Variants in CEMIP observed in about 807,000 individuals in gnomAD.
CEMIP encodes the protein cell migration-inducing and hyaluronan-binding protein.
In CEMIP, 105 loss-of-function variants were observed where a neutral mutation model predicts 156.9. The ratio of observed to expected loss-of-function variants is 0.67; its 90% CI spans 0.57 to 0.79. CEMIP has a LOEUF of 0.79. Ranked by LOEUF, CEMIP falls within the 30% of genes least tolerant of loss-of-function variation. The pLI, the probability that CEMIP is intolerant of heterozygous loss-of-function variation, is 0.00. For synonymous variants in CEMIP, 676 were observed against 668.4 expected (o/e 1.01, Z -0.17); for missense variants, 1,457 against 1,769.4 (o/e 0.82, Z 3.17).
At chr15:80,783,153 T>A (rs1415648121) in intron 1 of CEMIP, among the ~76,000 whole-genome samples, 1 of 152,246 alleles carries the variant, frequency 6.6e-6, no homozygotes, top group Non-Finnish European at 1.5e-5. Flanking sequence ...AGCCTGCTGC[T>A]TAAGTGACCT....
In CEMIP at chr15:80,942,179, T is replaced by C. The variant is rs1481085506; in HGVS notation, c.3613-72T>C. 1.8e-5 allele frequency: 27 copies of C among 1,495,180 alleles called. 1 individual carries two copies. Among genetic ancestry groups the C allele is most frequent in the Non-Finnish European group, 2.5e-5 (27 of 1,071,734 alleles). The allele number at this position is 1,495,180 out of a possible 1,614,324, so 92.6% of individuals were successfully genotyped here. ...AGCTCCATAAACCATTTCCTGTGAC[T>C]GGGGATACGGGAAGAGGAGGGGAAT... is the stretch of plus-strand genomic sequence containing the variant. On this transcript the variant is annotated intron_variant, in intron 26 of 29. Transcript: ENST00000394685.
intron 9 of CEMIP, 139 bp from the exon 10 acceptor site, chr15:80,889,332 T>C: frequency 8.6e-7 from 1 of 1,168,716 alleles, no homozygotes; most frequent in Non-Finnish European, 1.3e-6. Flanking sequence ...ATTAGAGCCA[T>C]CCATGCCCCA....
intron 1 of CEMIP, among the ~76,000 whole-genome samples, chr15:80,872,257 A>G (rs1898320967): frequency 6.6e-6 from 1 of 152,226 alleles, no homozygotes; most frequent in African/African-American, 2.4e-5. Context: ...TCCTGGGCAC[A>G]ACTACAGTCA....
intron 1 of CEMIP, among the ~76,000 whole-genome samples, chr15:80,831,321 G>C (rs1443964672): frequency 6.6e-6 from 1 of 152,276 alleles, no homozygotes; most frequent in South Asian, 2.1e-4. Flanking sequence ...CTGGGGGATT[G>C]GGGGAGGATA....
chr15:80,933,230 C>T lies in CEMIP; in HGVS notation c.2794-15C>T, dbSNP rs1182144425. The T allele has an allele frequency of 1.9e-6, 3 of 1,612,150 alleles. No individual in the cohort carries two copies. The highest frequency in any genetic ancestry group is 2.5e-6 in the Non-Finnish European group (3 of 1,178,300). The stretch of plus-strand genomic sequence containing the variant: ...CACCTTCTAGCCCTGCCTAACTTTC[C>T]TGGGCTCTGTTTAGATTACTTCCAG... On this transcript the variant is annotated splice_polypyrimidine_tract_variant and intron_variant, in intron 22 of 29. Transcript: ENST00000394685.
intron 23 of CEMIP, among the ~76,000 whole-genome samples, chr15:80,934,547 A>G (rs1252322241): frequency 6.6e-6 from 1 of 152,236 alleles, no homozygotes; most frequent in Non-Finnish European, 1.5e-5. Context: ...GTCGTCTCAG[A>G]GAATGAAGGA....
rs555738246 is a variant in CEMIP at position 80,908,629 on chromosome 15, T to C, written c.1588-468T>C. Among the ~76,000 whole-genome samples the C allele has an allele frequency of 7.9e-5, 12 of 152,264 alleles. No individual in the cohort carries two copies. The East Asian group carries it at 1.7e-3, about 22-fold the overall frequency. On this transcript the variant is annotated intron_variant, in intron 13 of 29. Coordinates refer to ENST00000394685, the MANE Select transcript of CEMIP (RefSeq NM_001293298.2). The stretch of plus-strand genomic sequence containing the variant: ...AAGATTCCAGAGTCGGTGTTCCCTT[T>C]CCCTTTGCTAGGAGAAGGTCTTGGG...
chr15:80,884,536 G>C lies in CEMIP; in HGVS notation c.797+182G>C, dbSNP rs79361207. On this transcript the variant is annotated intron_variant, in intron 7 of 29. Coordinates refer to ENST00000394685, the MANE Select transcript of CEMIP (RefSeq NM_001293298.2). ...TATTTGGGAATTGTTCTTAAAGAAT[G>C]CTTGTTTTTTCTTACAAGCATAGTT... 8.8e-3 allele frequency among the ~76,000 whole-genome samples: 1,334 copies of C among 152,320 alleles called. 17 individuals carry two copies. The highest frequency in any genetic ancestry group is 0.027 in the Middle Eastern group (8 of 294).
At chr15:80,832,865 C>T (rs1897186181) in intron 1 of CEMIP, among the ~76,000 whole-genome samples, 1 of 152,162 alleles carries the variant, frequency 6.6e-6, no homozygotes, top group Admixed American at 6.5e-5. Flanking sequence ...GAGGCTGGGG[C>T]TGGAAGCATC....
At chr15:80,812,134 C>T (rs921592246) in intron 1 of CEMIP, among the ~76,000 whole-genome samples, 4 of 152,182 alleles carry the variant, frequency 2.6e-5, no homozygotes, top group Non-Finnish European at 5.9e-5. Context: ...CTGTCTCAGC[C>T]TCTCAAGTAG....
rs1900960388 is a variant in CEMIP at position 80,932,503 on chromosome 15, A to T, written c.2793+464A>T. Among the ~76,000 whole-genome samples the T allele has an allele frequency of 6.6e-6, 1 of 152,074 alleles. No individual in the cohort carries two copies. The highest frequency in any genetic ancestry group is 2.4e-5 in the African/African-American group (1 of 41,420). On this transcript the variant is annotated intron_variant, in intron 22 of 29. Transcript: ENST00000394685. The surrounding 1 kb of genome is among the most constrained non-coding windows in gnomAD (Gnocchi z 4.5). ...GAGGCCTCCTTGCCCTAGACAGAGA[A>T]GGCAGAAGAGGGGCGGAGGATTAGG...
At chr15:80,802,103 T>G (rs952953567) in intron 1 of CEMIP, among the ~76,000 whole-genome samples, 7 of 152,222 alleles carry the variant, frequency 4.6e-5, no homozygotes, top group African/African-American at 1.7e-4. Flanking sequence ...TGGGGTCATA[T>G]TGCATTGTTT....
chr15:80,947,395 C>T (rs912065388), intron 29 of CEMIP: 58 of 340,720 alleles, frequency 1.7e-4, no homozygotes, highest in Non-Finnish European at 2.9e-4. Context: ...CACCCTCCTA[C>T]CCAATTCCTG....
intron 1 of CEMIP, among the ~76,000 whole-genome samples, chr15:80,833,374 A>G (rs1897198677): frequency 1.3e-5 from 2 of 151,936 alleles, no homozygotes; most frequent in Non-Finnish European, 2.9e-5. Context: ...TAGGCTTTCC[A>G]TATCTGAGGG....
intron 16 of CEMIP, 114 bp from the exon 17 acceptor site, chr15:80,921,895 G>A (rs755775471): frequency 4.4e-5 from 61 of 1,379,064 alleles, no homozygotes; most frequent in Non-Finnish European, 6.2e-5. Flanking sequence ...GGGCTCCTGT[G>A]GGTGACGGCA....
At chr15:80,905,900 T>C (rs1217377895) in intron 12 of CEMIP, among the ~76,000 whole-genome samples, 1 of 151,530 alleles carries the variant, frequency 6.6e-6, no homozygotes, top group African/African-American at 2.4e-5. Context: ...CAGTACAGAG[T>C]TGGGTGGAGG....
chr15:80,895,050 T>C lies in CEMIP; in HGVS notation c.1147T>C (p.Tyr383His), dbSNP rs754882132. ...GGTTGTCTACAAAAAAGGCCAGGATTATAGGTTTGCTTGCTACGACCGGGG... is the reference window on the plus strand; with the variant it reads ...GGTTGTCTACAAAAAAGGCCAGGATCATAGGTTTGCTTGCTACGACCGGGG... ...TEVVYKKGQD[Y>H]RFACYDRGRA... Residue 383 changes from tyrosine to histidine, a missense_variant, in exon 11 of 30, where the codon TAT (tyrosine) becomes CAT (histidine). This residue lies in a region of CEMIP where 280 missense variants were observed against 300.3 expected (regional missense o/e 0.93). Coordinates refer to ENST00000394685, the MANE Select transcript of CEMIP (RefSeq NM_001293298.2). The C allele has an allele frequency of 6.2e-7, 1 of 1,614,112 alleles. No individual in the cohort carries two copies. Among genetic ancestry groups the C allele is most frequent in the Non-Finnish European group, 8.5e-7 (1 of 1,180,048 alleles).
At chr15:80,915,249 G>A (rs374143171) in intron 14 of CEMIP, among the ~76,000 whole-genome samples, 1 of 152,178 alleles carries the variant, frequency 6.6e-6, no homozygotes, top group Non-Finnish European at 1.5e-5. Flanking sequence ...TAGTCCCTGC[G>A]TAAGACGGGG....
chr15:80,801,883 A>G (rs984241402), intron 1 of CEMIP, among the ~76,000 whole-genome samples: 4 of 152,224 alleles, frequency 2.6e-5, no homozygotes, highest in Admixed American at 6.5e-5. Context: ...GATAACAACT[A>G]TTGACAAAGC....
Sources: allele counts gnomAD v4.1 joint callset (sites outside exome capture counted in the v4.1 genomes callset), GRCh38; gene constraint gnomAD v4.1.1; regional missense constraint gnomAD v4.1.1; non-coding constraint Gnocchi (gnomAD v3.1); transcripts MANE v1.5; gene names NCBI Gene and HGNC (gene_info 2026-07-23, HGNC 2026-07-21).